FAT4: variants seen among roughly 807,000 people sequenced by gnomAD.
FAT4 encodes FAT atypical cadherin 4, also known as protocadherin Fat 4.
FAT4 carries 84 observed loss-of-function variants against 303.9 expected under a neutral mutation model. That is an observed-to-expected ratio of 0.28 (90% confidence interval 0.23 to 0.33). The LOEUF is 0.33. FAT4 is among the 10% of genes least tolerant of loss of function. The pLI, the probability that FAT4 is intolerant of heterozygous loss-of-function variation, is 1.00. For missense variants in FAT4, 6,005 were observed against 6,146.8 expected, an observed-to-expected ratio of 0.98 and a Z score of 0.77; for synonymous variants, 2,307 against 2,298.8, an observed-to-expected ratio of 1.00 and a Z score of -0.10.
Position 125,491,119 on chromosome 4 carries a change from C to T in FAT4, c.14303C>T (p.Pro4768Leu). Residue 4768 changes from proline (P) to leucine (L), a missense_variant, in exon 18 of 18, where the codon CCA becomes CTA. By Grantham distance (98) the Pro-to-Leu change is moderately conservative. Transcript: ENST00000394329. The stretch of plus-strand genomic sequence containing the variant: ...GCCATGGCATCACATGGTTCTAGAC[C>T]AGGGAGTCGCCTAAAGCAGCCGATT... ...PQAMASHGSR[P>L]GSRLKQPIGQ... is the part of the protein sequence containing the mutation. 1 of 1,614,128 alleles carries T rather than the reference C, an allele frequency of 6.2e-7. No homozygotes were observed. Among genetic ancestry groups the T allele is most frequent in the Non-Finnish European group, 8.5e-7 (1 of 1,179,992 alleles).
At chr4:125,368,975 G>A (rs190068617) in intron 2 of FAT4, among the ~76,000 whole-genome samples, 13 of 152,230 alleles carry the variant, frequency 8.5e-5, no homozygotes, top group Admixed American at 7.9e-4. Context: ...GAAAAATATT[G>A]TGTTTGGCAC....
chr4:125,407,698 A>T (rs770294681), intron 4 of FAT4, among the ~76,000 whole-genome samples: 15 of 152,086 alleles, frequency 9.9e-5, no homozygotes, highest in Non-Finnish European at 2.1e-4. Context: ...TGTTATAAGA[A>T]ACTGAATCTT....
Position 125,317,289 on chromosome 4 carries a change from G to T in FAT4, c.878G>T (p.Gly293Val). Residue 293 changes from glycine (G) to valine (V), a missense_variant, in exon 2 of 18, where the codon GGG becomes GTG. Transcript: ENST00000394329. This position sits in a 1 kb window ranked among gnomAD's most constrained non-coding sequence, Gnocchi z 7.0. ...ATCCGCTATCGCCTGCAGGACGAGG[G>T]GACCCCCTTCCAAATGGACCCTGAG... ...ADIRYRLQDEGTPFQMDPETG... is the reference protein window; with the variant it reads ...ADIRYRLQDEVTPFQMDPETG... The T allele has an allele frequency of 6.3e-7, 1 of 1,593,824 alleles. No individual in the cohort carries two copies. The highest frequency in any genetic ancestry group is 8.6e-7 in the Non-Finnish European group (1 of 1,167,774).
rs751467547 is a variant in FAT4, at chr4:125,490,856, T to A, written c.14040T>A (p.Tyr4680Ter). 6.2e-7 allele frequency: 1 copy of A among 1,614,152 alleles called. No individual in the cohort carries two copies. ...GASSLTYQPS[Y>*]GQGLRTSSLS... ...GCAGTTTGACTTACCAGCCTTCATA[T>A]GGTCAAGGTTTGAGAACCAGCTCCC... is the stretch of plus-strand genomic sequence containing the variant. The change falls in exon 18 of 18, where the codon TAT becomes TAA. Residue 4680 changes from tyrosine to a stop codon, truncating the protein, a stop_gained. Coordinates refer to ENST00000394329, the MANE Select transcript of FAT4 (RefSeq NM_001291303.3). LOFTEE classifies it high-confidence loss of function.
chr4:125,339,869 T>TA (rs1204194073), intron 2 of FAT4, among the ~76,000 whole-genome samples: 7 of 152,196 alleles, frequency 4.6e-5, no homozygotes, highest in Non-Finnish European at 8.8e-5. Context: ...TTGGAAAATT[T>TA]AAAAAAATAA....
intron 2 of FAT4, among the ~76,000 whole-genome samples, chr4:125,361,724 GA>G (rs1222280974): frequency 6.6e-6 from 1 of 152,152 alleles, no homozygotes; most frequent in Non-Finnish European, 1.5e-5. Flanking sequence ...GGAGATGTGG[GA>G]AGGCAAGATA....
At chr4:125,428,222 C>T (rs1220026041) in intron 7 of FAT4, among the ~76,000 whole-genome samples, 1 of 151,624 alleles carries the variant, frequency 6.6e-6, no homozygotes, top group Non-Finnish European at 1.5e-5. Context: ...CGCTTGAACC[C>T]GGGAGGCGGA....
intron 10 of FAT4, among the ~76,000 whole-genome samples, chr4:125,461,448 C>T (rs1470153965): frequency 1.3e-5 from 2 of 152,012 alleles, no homozygotes; most frequent in Non-Finnish European, 2.9e-5. Context: ...GTACCCTCTA[C>T]ATTTGTTACT....
chr4:125,392,811 T>A (rs986006055), intron 2 of FAT4, among the ~76,000 whole-genome samples: 1 of 152,202 alleles, frequency 6.6e-6, no homozygotes, highest in African/African-American at 2.4e-5. Flanking sequence ...TTATGAAAGA[T>A]CATTCTCTCT....
At chr4:125,360,093 C>T (rs899533473) in intron 2 of FAT4, among the ~76,000 whole-genome samples, 1 of 152,096 alleles carries the variant, frequency 6.6e-6, no homozygotes, top group Non-Finnish European at 1.5e-5. Flanking sequence ...TCTAATCCAT[C>T]TTATCTTTTG....
chr4:125,484,467 G>T (rs1185255817), intron 16 of FAT4, among the ~76,000 whole-genome samples: 1 of 151,942 alleles, frequency 6.6e-6, no homozygotes, highest in Non-Finnish European at 1.5e-5. Context: ...TGTTTGTCTG[G>T]TTTTTTTAAG....
chr4:125,328,124 A>G (rs1382285951), intron 2 of FAT4, among the ~76,000 whole-genome samples: 1 of 152,212 alleles, frequency 6.6e-6, no homozygotes, highest in East Asian at 1.9e-4. Flanking sequence ...CCAATATAGA[A>G]TATGGTAAAT....
In FAT4 at chr4:125,317,271, A is replaced by G; in HGVS notation, c.860A>G (p.Tyr287Cys). The change falls in exon 2 of 18, where the codon TAT (tyrosine) becomes TGT (cysteine). Residue 287 changes from tyrosine (Y) to cysteine (C), a missense_variant. Physicochemically the swap from Tyr to Cys is radical, Grantham distance 194 (BLOSUM62 -2). Coordinates refer to ENST00000394329, the MANE Select transcript of FAT4 (RefSeq NM_001291303.3). The surrounding 1 kb of genome is among the most constrained non-coding windows in gnomAD (Gnocchi z 7.0). ...ADEGTNADIR[Y>C]RLQDEGTPFQ... Reference sequence around the variant, plus strand: ...GAGGGCACCAACGCGGACATCCGCTATCGCCTGCAGGACGAGGGGACCCCC... The same window carrying G: ...GAGGGCACCAACGCGGACATCCGCTGTCGCCTGCAGGACGAGGGGACCCCC... 1 of 1,583,010 alleles carries G rather than the reference A, an allele frequency of 6.3e-7. No homozygotes were observed. The highest frequency in any genetic ancestry group is 8.6e-7 in the Non-Finnish European group (1 of 1,162,288).
At chr4:125,486,428 A>G (rs1290559177) in intron 16 of FAT4, among the ~76,000 whole-genome samples, 1 of 152,202 alleles carries the variant, frequency 6.6e-6, no homozygotes, top group Non-Finnish European at 1.5e-5. Flanking sequence ...ACATGTAGAA[A>G]TAGCATTTGA....
chr4:125,434,890 T>C (rs1018416981), intron 8 of FAT4, among the ~76,000 whole-genome samples: 3 of 152,166 alleles, frequency 2.0e-5, no homozygotes, highest in African/African-American at 7.2e-5. Context: ...GTTGGACTTT[T>C]TAGTTGGTGG....
chr4:125,439,618 C>T (rs1725581874), intron 8 of FAT4, among the ~76,000 whole-genome samples: 1 of 151,962 alleles, frequency 6.6e-6, no homozygotes, highest in African/African-American at 2.4e-5. Flanking sequence ...GGATTACAGG[C>T]GTGAGCCACC....
chr4:125,446,231 G>A, intron 8 of FAT4, 62 bp from the exon 9 acceptor site: 1 of 1,378,916 alleles, frequency 7.3e-7, no homozygotes. Flanking sequence ...TTTAATTATA[G>A]TAAATAGAAG....
intron 8 of FAT4, among the ~76,000 whole-genome samples, chr4:125,439,929 C>T (rs1331485652): frequency 6.6e-6 from 1 of 152,122 alleles, no homozygotes; most frequent in East Asian, 1.9e-4. Flanking sequence ...AAAATTTATA[C>T]TTTACAGTTT....
Position 125,453,569 on chromosome 4 carries a change from G to A in FAT4, c.11800+759G>A, listed in dbSNP as rs562669779. Reference sequence around the variant, plus strand: ...AAAAATGCAAAAATTAACTGGGCGCGGTGTTGTGCGCCTGTAGTCCCAGCT... The same window carrying A: ...AAAAATGCAAAAATTAACTGGGCGCAGTGTTGTGCGCCTGTAGTCCCAGCT... On this transcript the variant is annotated intron_variant, in intron 10 of 17. Coordinates refer to ENST00000394329, the MANE Select transcript of FAT4 (RefSeq NM_001291303.3). Among the ~76,000 whole-genome samples the A allele has an allele frequency of 5.9e-5, 9 of 152,194 alleles. No homozygotes were observed. The South Asian group carries it at 6.2e-4, about 11-fold the overall frequency.
Sources: gnomAD v4.1 joint callset for allele counts (sites outside exome capture counted in the v4.1 genomes callset) on GRCh38, gnomAD v4.1.1 for gene constraint, Gnocchi (gnomAD v3.1) non-coding constraint, MANE v1.5 for transcripts, NCBI Gene and HGNC (gene_info 2026-07-23, HGNC 2026-07-21) for gene names.